PIAS2: variants seen among roughly 807,000 people sequenced by gnomAD.
The protein encoded by PIAS2 is E3 SUMO-protein ligase PIAS2.
PIAS2 carries 19 observed loss-of-function variants against 69.7 expected under a neutral mutation model. The observed-to-expected ratio is 0.27, with a 90% CI of 0.19 to 0.40. PIAS2 has a LOEUF of 0.40. Among genes scored for constraint, PIAS2 ranks in the 10% least tolerant of loss-of-function variants. The pLI, the probability that PIAS2 is intolerant of heterozygous loss-of-function variation, is 1.00. For missense variants in PIAS2, 624 were observed against 757.0 expected (o/e 0.82, Z 2.06); for synonymous variants, 261 against 263.2 (o/e 0.99, Z 0.08).
At chr18:46,821,480 T>G (rs914706776) in intron 11 of PIAS2, among the ~76,000 whole-genome samples, 3 of 152,152 alleles carry the variant, frequency 2.0e-5, no homozygotes, top group African/African-American at 7.2e-5. Flanking sequence ...TCAGGGAACC[T>G]TGAGAAGTGA....
chr18:46,824,670 A>G (rs1440672732), intron 11 of PIAS2, among the ~76,000 whole-genome samples: 2 of 152,102 alleles, frequency 1.3e-5, no homozygotes, highest in Non-Finnish European at 2.9e-5. Context: ...GTTTATAAGA[A>G]TAATTTTTAC....
chr18:46,827,941 A>C lies in PIAS2; in HGVS notation c.1508+18T>G. On this transcript the variant is annotated intron_variant, in intron 11 of 13. Coordinates refer to ENST00000585916, the MANE Select transcript of PIAS2 (RefSeq NM_004671.5). ...GTTGCAAGGGTAATGAACAATAGTG[A>C]ACTATAAATTAACAAACCCTTTGGT... is the stretch of plus-strand genomic sequence containing the variant. The C allele has an allele frequency of 6.2e-7, 1 of 1,609,430 alleles. No individual in the cohort carries two copies. Among genetic ancestry groups the C allele is most frequent in the South Asian group, 1.1e-5 (1 of 90,846 alleles).
chr18:46,855,540 A>C, intron 4 of PIAS2, 25 bp downstream of exon 4: 12 of 1,605,710 alleles, frequency 7.5e-6, no homozygotes, highest in Middle Eastern at 1.7e-4. Context: ...TATAAAACTA[A>C]GGTAACAGAA....
At chr18:46,917,985 G>A (rs958068026), upstream of PIAS2, 1 of 152,160 alleles carries the variant, frequency 6.6e-6, no homozygotes, top group Admixed American at 6.5e-5. Context: ...AATTGCTAAT[G>A]TCCTGCAAGT....
chr18:46,876,146 G>C (rs1047412907), intron 2 of PIAS2, among the ~76,000 whole-genome samples: 1 of 152,234 alleles, frequency 6.6e-6, no homozygotes, highest in South Asian at 2.1e-4. Flanking sequence ...ACTCTGCCAA[G>C]TAACTAGAGC....
intron 1 of PIAS2, among the ~76,000 whole-genome samples, chr18:46,895,422 G>C (rs1446064605): frequency 6.6e-6 from 1 of 152,188 alleles, no homozygotes; most frequent in Non-Finnish European, 1.5e-5. Context: ...TGTAACCCCA[G>C]CACTTCGGGA....
At position 46,807,878 on chromosome 18, in the gene PIAS2, G is replaced by C. The variant is rs1260711940; in HGVS notation, c.*4555C>G. 1.3e-5 allele frequency: 2 copies of C among 152,114 alleles called. No individual in the cohort carries two copies. The highest frequency in any genetic ancestry group is 2.9e-5 in the Non-Finnish European group (2 of 68,024). 9.4% of individuals were successfully genotyped at this position (152,114 alleles called of 1,614,324 possible). On this transcript the variant is annotated 3_prime_UTR_variant, in exon 14 of 14. Coordinates refer to ENST00000585916, the MANE Select transcript of PIAS2 (RefSeq NM_004671.5). The stretch of plus-strand genomic sequence containing the variant: ...TAGACCACCCTTCCCATACCATCTA[G>C]CTGCAGTATAAATTAACATACCCAT...
chr18:46,857,233 T>C (rs2047974918), intron 3 of PIAS2, among the ~76,000 whole-genome samples: 2 of 152,302 alleles, frequency 1.3e-5, no homozygotes, highest in Non-Finnish European at 2.9e-5. Flanking sequence ...CACTCATTCA[T>C]ATCAAGACAC....
Position 46,890,784 on chromosome 18 carries a change from C to T in PIAS2, c.295G>A (p.Ala99Thr), listed in dbSNP as rs1240602987. Residue 99 changes from alanine (A) to threonine (T), a missense_variant, in exon 2 of 14, where the codon GCT becomes ACT. Around this residue, in one of 3 missense-constraint regions of PIAS2, gnomAD observed 339 missense variants for 408.8 expected, o/e 0.83. Transcript: ENST00000585916. ...GTGGAAGGCAACGAGTGGATTCCAG[C>T]CACGGCCAAGTCAGGTTCTACAGGT... ...SSPVEPDLAV[A>T]GIHSLPSTSV... is the part of the protein sequence containing the mutation. 6.2e-7 allele frequency: 1 copy of T among 1,614,162 alleles called. No individual in the cohort carries two copies.
intron 5 of PIAS2, 78 bp downstream of exon 5, chr18:46,855,267 A>T: frequency 1.2e-6 from 1 of 832,990 alleles, no homozygotes; most frequent in Non-Finnish European, 2.0e-6. Context: ...TTCAGCTGTC[A>T]CTGTTGCACT....
chr18:46,803,379 C>A lies in PIAS2; in HGVS notation c.*9054G>T, dbSNP rs1309130684. On this transcript the variant is annotated 3_prime_UTR_variant, in exon 14 of 14. Transcript: ENST00000585916. ...TTTTAACTCCACTAACCACTTGCTT[C>A]TTGAAATACTCTATTTTTTGGCCTC... The A allele has an allele frequency of 6.6e-6, 1 of 152,156 alleles. No homozygotes were observed. Among genetic ancestry groups the A allele is most frequent in the African/African-American group, 2.4e-5 (1 of 41,432 alleles). 9.4% of individuals were successfully genotyped at this position (152,156 alleles called of 1,614,324 possible).
chr18:46,902,294 C>T (rs754843596), intron 1 of PIAS2, among the ~76,000 whole-genome samples: 1 of 150,910 alleles, frequency 6.6e-6, no homozygotes, highest in Admixed American at 6.6e-5. Flanking sequence ...CGATGGCTCA[C>T]GCCTGTAATC....
At chr18:46,911,426 G>A (rs2057254743) in intron 1 of PIAS2, among the ~76,000 whole-genome samples, 1 of 152,032 alleles carries the variant, frequency 6.6e-6, no homozygotes, top group Admixed American at 6.6e-5. Context: ...ATGTTAGCCA[G>A]GCTGGTCTCT....
At chr18:46,826,626 A>G (rs1245055787) in intron 11 of PIAS2, 1 of 152,226 alleles carries the variant, frequency 6.6e-6, no homozygotes, top group Non-Finnish European at 1.5e-5. Flanking sequence ...TCTGTTTATC[A>G]TTTAAATTAC....
rs1327949478 is a variant in PIAS2 at position 46,917,440 on chromosome 18, G to C, written c.-95C>G. 5 of 1,263,454 alleles carry C rather than the reference G, an allele frequency of 4.0e-6. No individual in the cohort carries two copies. The highest frequency in any genetic ancestry group is 4.0e-6 in the Non-Finnish European group (4 of 1,001,560). 78.3% of individuals were successfully genotyped at this position (1,263,454 alleles called of 1,614,324 possible). On this transcript the variant is annotated 5_prime_UTR_variant, in exon 1 of 14. Coordinates refer to ENST00000585916, the MANE Select transcript of PIAS2 (RefSeq NM_004671.5). ...GCCACCACGGCCGCCGCCGCCTCCAGCACCATCCTGCACTGGGCGCCGCTT... is the reference window on the plus strand; with the variant it reads ...GCCACCACGGCCGCCGCCGCCTCCACCACCATCCTGCACTGGGCGCCGCTT...
chr18:46,875,818 C>T (rs574967765), intron 2 of PIAS2, among the ~76,000 whole-genome samples: 1 of 152,354 alleles, frequency 6.6e-6, no homozygotes, highest in South Asian at 2.1e-4. Context: ...AGACTGTCCC[C>T]TTTCCACTCA....
At chr18:46,892,439 A>G (rs922288615) in intron 1 of PIAS2, among the ~76,000 whole-genome samples, 1 of 152,160 alleles carries the variant, frequency 6.6e-6, no homozygotes, top group Non-Finnish European at 1.5e-5. Context: ...ACACAAATTA[A>G]TAGAAGACAC....
intron 1 of PIAS2, among the ~76,000 whole-genome samples, chr18:46,898,713 G>C (rs1428684450): frequency 6.6e-6 from 1 of 152,098 alleles, no homozygotes; most frequent in Non-Finnish European, 1.5e-5. Context: ...AAGCTTTGAG[G>C]CCGGGTGCAG....
chr18:46,907,953 T>C (rs947164019), intron 1 of PIAS2: 4 of 152,150 alleles, frequency 2.6e-5, no homozygotes, highest in African/African-American at 9.7e-5. Context: ...GTTAGGATAG[T>C]AGGTCGCTTT....
Sources: gnomAD v4.1 joint callset for allele counts (sites outside exome capture counted in the v4.1 genomes callset) on GRCh38, gnomAD v4.1.1 for gene constraint, gnomAD v4.1.1 regional missense constraint, MANE v1.5 for transcripts, NCBI Gene and HGNC (gene_info 2026-07-23, HGNC 2026-07-21) for gene names.